SNX13: variants seen among roughly 807,000 people sequenced by gnomAD.
SNX13 encodes sorting nexin-13.
SNX13 carries 45 observed loss-of-function variants against 133.6 expected under a neutral mutation model. That is an observed-to-expected ratio of 0.34 (90% CI 0.27 to 0.43). SNX13 has a LOEUF of 0.43. Ranked by LOEUF, SNX13 falls within the 20% of genes least tolerant of loss-of-function variation. The pLI, the probability that SNX13 is intolerant of heterozygous loss-of-function variation, is 1.00. For synonymous variants in SNX13, 414 were observed against 373.9 expected, an observed-to-expected ratio of 1.11 and a Z score of -1.24; for missense variants, 1,032 against 1,145.1, an observed-to-expected ratio of 0.90 and a Z score of 1.43.
Position 17,845,588 on chromosome 7 carries a change from T to C in SNX13, c.1165+7A>G, listed in dbSNP as rs368905497. 5.2e-6 allele frequency: 8 copies of C among 1,543,222 alleles called. No individual in the cohort carries two copies. Among genetic ancestry groups the C allele is most frequent in the South Asian group, 1.2e-5 (1 of 81,746 alleles). Reference sequence around the variant, plus strand: ...CTGTATCATTTAAATAGAATTGATCTACCTACCCATAAAAAATTGTAGTGC... The same window carrying C: ...CTGTATCATTTAAATAGAATTGATCCACCTACCCATAAAAAATTGTAGTGC... On this transcript the variant is annotated splice_region_variant and intron_variant, in intron 12 of 25. Coordinates refer to ENST00000428135, the MANE Select transcript of SNX13 (RefSeq NM_015132.5).
At chr7:17,808,398 T>C (rs1209289990) in intron 20 of SNX13, among the ~76,000 whole-genome samples, 7 of 151,740 alleles carry the variant, frequency 4.6e-5, no homozygotes, top group Admixed American at 4.6e-4. Flanking sequence ...GAAGACAAGA[T>C]TAGAGAAAAA....
Position 17,868,508 on chromosome 7 carries a change from AAC to A in SNX13, c.754-20_754-19del. The stretch of plus-strand genomic sequence containing the variant: ...AGGATTTCCTGAAAAAAAAGTAAAT[AAC>A]AAAAACAAATTTAATCTATTTCTGA... On this transcript the variant is annotated intron_variant, in intron 8 of 25. Transcript: ENST00000428135. 6.5e-7 allele frequency: 1 copy of A among 1,542,420 alleles called. No individual in the cohort carries two copies. The highest frequency in any genetic ancestry group is 8.9e-7 in the Non-Finnish European group (1 of 1,129,138).
chr7:17,934,363 T>C lies in SNX13; in HGVS notation c.12+5921A>G, dbSNP rs563739571. On this transcript the variant is annotated intron_variant, in intron 1 of 25. Coordinates refer to ENST00000428135, the MANE Select transcript of SNX13 (RefSeq NM_015132.5). ...TCATTCAGGGAAAGCTGTAAAGTCA[T>C]TGTGGTGGATAATTTTAGATGTCAA... is the stretch of plus-strand genomic sequence containing the variant. Among the ~76,000 whole-genome samples, 8 of 152,312 alleles carry C rather than the reference T, an allele frequency of 5.3e-5. No homozygotes were observed. In the South Asian group the frequency reaches 1.2e-3, roughly 24 times the overall value.
intron 9 of SNX13, among the ~76,000 whole-genome samples, chr7:17,853,919 C>T (rs1406441300): frequency 1.3e-5 from 2 of 150,426 alleles, no homozygotes; most frequent in Non-Finnish European, 1.5e-5. Flanking sequence ...CCAGCCTGCG[C>T]GACAGAGCGA....
chr7:17,905,167 A>C (rs181881113), intron 1 of SNX13, among the ~76,000 whole-genome samples: 1 of 152,340 alleles, frequency 6.6e-6, no homozygotes, highest in East Asian at 1.9e-4. Context: ...TACAATTAAG[A>C]AAAAAATTAA....
chr7:17,900,887 C>T (rs754614814), intron 1 of SNX13, among the ~76,000 whole-genome samples: 2 of 152,062 alleles, frequency 1.3e-5, no homozygotes, highest in African/African-American at 4.8e-5. Context: ...GAAGTCCCCC[C>T]GCATAGTTAC....
At chr7:17,839,016 ATTG>A (rs1405302951) in intron 13 of SNX13, among the ~76,000 whole-genome samples, 2 of 149,866 alleles carry the variant, frequency 1.3e-5, no homozygotes, top group African/African-American at 2.4e-5. Context: ...TATTATTAGA[ATTG>A]TTATTAGATT....
At chr7:17,884,508 C>T (rs890423665) in intron 5 of SNX13, among the ~76,000 whole-genome samples, 5 of 152,102 alleles carry the variant, frequency 3.3e-5, no homozygotes, top group Admixed American at 1.3e-4. Flanking sequence ...GTATAGGCAG[C>T]CACTATCTGG....
At chr7:17,798,783 G>T (rs554520585) in intron 23 of SNX13, 25 bp from the exon 24 acceptor site, 158 of 1,503,586 alleles carry the variant, frequency 1.1e-4, no homozygotes, top group Non-Finnish European at 1.4e-4. Context: ...ATGTAAATGA[G>T]GAAGGTTAAA....
rs190977684 is a variant in SNX13, at chr7:17,902,231, T to A, written c.13-4785A>T. 2.1e-3 allele frequency among the ~76,000 whole-genome samples: 305 copies of A among 146,474 alleles called. 1 individual carries two copies. Among genetic ancestry groups the A allele is most frequent in the Non-Finnish European group, 3.4e-3 (225 of 67,094 alleles). ...TAATTTAACAGTGAAAAAACAGTCA[T>A]TACTGTCATGGTTTTTTTTTTTTTT... On this transcript the variant is annotated intron_variant, in intron 1 of 25. Coordinates refer to ENST00000428135, the MANE Select transcript of SNX13 (RefSeq NM_015132.5).
intron 16 of SNX13, among the ~76,000 whole-genome samples, chr7:17,826,757 A>G (rs1472131893): frequency 2.0e-5 from 3 of 152,136 alleles, no homozygotes; most frequent in African/African-American, 4.8e-5. Flanking sequence ...TGAATCTTTT[A>G]TAACTACGGC....
At chr7:17,816,738 G>GA (rs1428154658) in intron 18 of SNX13, among the ~76,000 whole-genome samples, 2 of 152,136 alleles carry the variant, frequency 1.3e-5, no homozygotes, top group African/African-American at 2.4e-5. Flanking sequence ...ATGAAAATCA[G>GA]AAAATAAAAA....
At chr7:17,859,756 G>A (rs748582452) in intron 9 of SNX13, among the ~76,000 whole-genome samples, 11 of 152,078 alleles carry the variant, frequency 7.2e-5, no homozygotes, top group Non-Finnish European at 1.5e-4. Context: ...TGCAGTATTT[G>A]TCTTTCTGTG....
At chr7:17,859,776 T>C (rs1792406450) in intron 9 of SNX13, among the ~76,000 whole-genome samples, 1 of 152,312 alleles carries the variant, frequency 6.6e-6, no homozygotes, top group East Asian at 1.9e-4. Context: ...GATAAGCTTA[T>C]TTCACTTAAC....
intron 19 of SNX13, among the ~76,000 whole-genome samples, chr7:17,815,220 A>T (rs1035914089): frequency 6.6e-6 from 1 of 152,172 alleles, no homozygotes; most frequent in East Asian, 1.9e-4. Flanking sequence ...TTATTTTCAG[A>T]TCTTACAGCT....
intron 1 of SNX13, chr7:17,898,006 A>G (rs867179352): frequency 6.6e-6 from 1 of 152,098 alleles, no homozygotes; most frequent in East Asian, 1.9e-4. Context: ...TATAATTACA[A>G]AAGTTCCAAC....
chr7:17,925,379 G>A (rs1301620513), intron 1 of SNX13, among the ~76,000 whole-genome samples: 1 of 152,090 alleles, frequency 6.6e-6, no homozygotes, highest in Non-Finnish European at 1.5e-5. Flanking sequence ...AAAAGCCGTT[G>A]AATTGAATGC....
rs1421075454 is a variant in SNX13 at position 17,801,599 on chromosome 7, G to C, written c.2287C>G (p.Leu763Val). The C allele has an allele frequency of 1.2e-6, 2 of 1,608,026 alleles. No homozygotes were observed. Among genetic ancestry groups the C allele is most frequent in the Admixed American group, 3.4e-5 (2 of 59,260 alleles). ...TAAAATTAACTCACATTATCGTCAA[G>C]TTGAGCCGAAACTCGGCGATGTTCA... ...DPEHRRVSAQ[L>V]DDNVDDNIPL... is the part of the protein sequence containing the mutation. Residue 763 changes from leucine to valine, a missense_variant, in exon 22 of 26, where the codon CTT (leucine) becomes GTT (valine). Physicochemically the swap from Leu to Val is conservative, Grantham distance 32 (BLOSUM62 1). Coordinates refer to ENST00000428135, the MANE Select transcript of SNX13 (RefSeq NM_015132.5).
At position 17,875,735 on chromosome 7, in the gene SNX13, CAA is replaced by C; in HGVS notation, c.494_495del (p.Phe165TrpfsTer19). ...PYFTTRIVDD[F>X]GTHLRVFRKA... ...TTTCTGAATACTCGTAAGTGTGTGC[CAA>C]AGTCATCTACAATGCGTGTAGTAAA... On this transcript the variant is annotated frameshift_variant, in exon 6 of 26. Coordinates refer to ENST00000428135, the MANE Select transcript of SNX13 (RefSeq NM_015132.5). LOFTEE classifies it high-confidence loss of function. 1.2e-6 allele frequency: 2 copies of C among 1,612,590 alleles called. No homozygotes were observed. The highest frequency in any genetic ancestry group is 1.7e-6 in the Non-Finnish European group (2 of 1,179,222).
Sources: gnomAD v4.1 joint callset for allele counts (sites outside exome capture counted in the v4.1 genomes callset) on GRCh38, gnomAD v4.1.1 for gene constraint, MANE v1.5 for transcripts, NCBI Gene and HGNC (gene_info 2026-07-23, HGNC 2026-07-21) for gene names.